The following CA11 variants were observed in gnomAD, a reference collection of about 807,000 sequenced individuals.
CA11 encodes carbonic anhydrase-related protein 11.
CA11 carries 20 observed loss-of-function variants against 39.3 expected under a neutral mutation model. The observed-to-expected ratio is 0.51, with a 90% CI of 0.36 to 0.74. The LOEUF is 0.74. CA11 is among the 30% of genes least tolerant of loss of function. The probability of loss-of-function intolerance (pLI) is 0.00; values close to 1 mark genes in which losing one functional copy is unlikely to be tolerated. For synonymous variants in CA11, 166 were observed against 172.5 expected, an observed-to-expected ratio of 0.96 and a Z score of 0.29; for missense variants, 336 against 424.6, an observed-to-expected ratio of 0.79 and a Z score of 1.83.
At position 48,638,936 on chromosome 19, in the gene CA11, G is replaced by A. The variant is rs1420061583; in HGVS notation, c.913C>T (p.Pro305Ser). 4 of 1,609,780 alleles carry A rather than the reference G, an allele frequency of 2.5e-6. No homozygotes were observed. Among genetic ancestry groups the A allele is most frequent in the East Asian group, 2.2e-5 (1 of 44,854 alleles). The change falls in exon 8 of 9, where the codon CCC becomes TCC. Residue 305 changes from proline to serine, a missense_variant. Pro to Ser is a moderately conservative substitution (Grantham distance 74). Transcript: ENST00000084798. ...CGGCAGCGCCTCTCGGGGTGCCGGG[G>A]GTCCCTGTTGCCCCTCAGTGCCCTG... ...AHRALRGNRDPRHPERRCRGP... is the reference protein window; with the variant it reads ...AHRALRGNRDSRHPERRCRGP...
chr19:48,642,710 G>T (rs945299268), intron 3 of CA11, among the ~76,000 whole-genome samples: 3 of 152,148 alleles, frequency 2.0e-5, no homozygotes, highest in Admixed American at 1.3e-4. Context: ...AGGCAGGCCA[G>T]TGAGGAGGGT....
At chr19:48,640,319 ATCTTT>A in intron 3 of CA11, 39 bp from the exon 4 acceptor site, 8 of 1,428,988 alleles carry the variant, frequency 5.6e-6, no homozygotes, top group Non-Finnish European at 6.7e-6. Context: ...GCAGGGAGAG[ATCTTT>A]TATCTCTCGT....
Position 48,639,813 on chromosome 19 carries a change from A to C in CA11, c.542T>G (p.Leu181Arg). 6.2e-7 allele frequency: 1 copy of C among 1,614,110 alleles called. No individual in the cohort carries two copies. The highest frequency in any genetic ancestry group is 1.3e-5 in the African/African-American group (1 of 75,032). ...GTTGACAAAGAGGCTGAGAATGGCC[A>C]GGCCATTGGGGCCGCGGGAGGCAGC... ...FSAASRGPNG[L>R]AILSLFVNVA... The change falls in exon 5 of 9, where the codon CTG becomes CGG. Residue 181 changes from leucine (L) to arginine (R), a missense_variant. Physicochemically the swap from Leu to Arg is moderately radical, Grantham distance 102. Transcript: ENST00000084798.
At chr19:48,642,109 A>G (rs1182600832) in intron 3 of CA11, among the ~76,000 whole-genome samples, 1 of 152,226 alleles carries the variant, frequency 6.6e-6, no homozygotes, top group African/African-American at 2.4e-5. Flanking sequence ...AGACTTCATC[A>G]AAGTCCAGTG....
chr19:48,641,792 A>T (rs1329358309), intron 3 of CA11, among the ~76,000 whole-genome samples: 1 of 149,602 alleles, frequency 6.7e-6, no homozygotes, highest in South Asian at 2.1e-4. Flanking sequence ...CCACAGTCAC[A>T]TACCACCATG....
chr19:48,639,383 G>T lies in CA11; in HGVS notation c.717C>A (p.Gly239=). The change falls in exon 7 of 9, where the codon GGC becomes GGA. Residue 239 remains glycine (G), a synonymous_variant. Coordinates refer to ENST00000084798, the MANE Select transcript of CA11 (RefSeq NM_001217.5). ...CGGAGCAGGGCGGGGTGCTGAGAGA[G>T]CCCTGATAGGTGATGAAGCCGAAGG... ...PESFGFITYQ[G]SLSTPPCSET... The T allele has an allele frequency of 6.2e-7, 1 of 1,613,794 alleles. No individual in the cohort carries two copies. The highest frequency in any genetic ancestry group is 1.3e-5 in the African/African-American group (1 of 74,944).
At chr19:48,639,491 A>G (rs2030994554) in intron 6 of CA11, 32 bp from the exon 7 acceptor site, 1 of 1,613,716 alleles carries the variant, frequency 6.2e-7, no homozygotes. Flanking sequence ...GTAAAGAGGG[A>G]TGGCACTCTT....
At position 48,645,676 on chromosome 19, in the gene CA11, C is replaced by T; in HGVS notation, c.-44G>A. The T allele has an allele frequency of 7.0e-7, 1 of 1,429,770 alleles. No homozygotes were observed. Among genetic ancestry groups the T allele is most frequent in the Non-Finnish European group, 9.3e-7 (1 of 1,072,708 alleles). 88.6% of individuals were successfully genotyped at this position (1,429,770 alleles called of 1,614,324 possible). A position where few individuals can be genotyped will look rare whatever the true frequency, so the allele number is the denominator to read the frequency against. On this transcript the variant is annotated 5_prime_UTR_variant, in exon 1 of 9. Coordinates refer to ENST00000084798, the MANE Select transcript of CA11 (RefSeq NM_001217.5). The stretch of plus-strand genomic sequence containing the variant: ...GGACCCCTGCCCAACGCCCTGCCCC[C>T]CTCTCTCAGCTCCTCTGTCCCCTCC...
rs987856413 is a variant in CA11, at chr19:48,639,824, G to A, written c.531C>T (p.Gly177=). Reference sequence around the variant, plus strand: ...GGCTGAGAATGGCCAGGCCATTGGGGCCGCGGGAGGCAGCGCTGAAATTCC... The same window carrying A: ...GGCTGAGAATGGCCAGGCCATTGGGACCGCGGGAGGCAGCGCTGAAATTCC... ...LYGNFSAASR[G]PNGLAILSLF... is the part of the protein sequence containing the mutation. Residue 177 remains glycine, a synonymous_variant, in exon 5 of 9, where the codon GGC becomes GGT. Transcript: ENST00000084798. 1.2e-6 allele frequency: 2 copies of A among 1,614,146 alleles called. No individual in the cohort carries two copies. Among genetic ancestry groups the A allele is most frequent in the African/African-American group, 1.3e-5 (1 of 75,040 alleles).
rs980455436 is a variant in CA11 at position 48,643,955 on chromosome 19, C to T, written c.285+472G>A. On this transcript the variant is annotated intron_variant, in intron 3 of 8. Coordinates refer to ENST00000084798, the MANE Select transcript of CA11 (RefSeq NM_001217.5). The surrounding 1 kb of genome is among the most constrained non-coding windows in gnomAD (Gnocchi z 4.3). ...CTAAAAATACAAAAAATTAGCTGGG[C>T]GTGATGGTGCGCATGCCTGTAATCC... is the stretch of plus-strand genomic sequence containing the variant. Among the ~76,000 whole-genome samples, 3 of 151,832 alleles carry T rather than the reference C, an allele frequency of 2.0e-5. No individual in the cohort carries two copies. Among genetic ancestry groups the T allele is most frequent in the Non-Finnish European group, 4.4e-5 (3 of 67,986 alleles).
chr19:48,644,448 C>T lies in CA11; in HGVS notation c.264G>A (p.Arg88=). 1 of 1,607,504 alleles carries T rather than the reference C, an allele frequency of 6.2e-7. No homozygotes were observed. Among genetic ancestry groups the T allele is most frequent in the Non-Finnish European group, 8.5e-7 (1 of 1,175,908 alleles). Residue 88 remains arginine (R), a synonymous_variant, in exon 3 of 9, where the codon AGG becomes AGA. Transcript: ENST00000084798. ...TTACCTTCTCTCCTCCAGTGCTGAG[C>T]CTTAATGGGGGCAGAAAGGGGTCAT... ...VLYDPFLPPL[R]LSTGGEKLRG...
At chr19:48,640,998 T>A (rs1171518982) in intron 3 of CA11, among the ~76,000 whole-genome samples, 6 of 148,822 alleles carry the variant, frequency 4.0e-5, no homozygotes, top group East Asian at 2.0e-4. Flanking sequence ...TTTTTTTTTT[T>A]AAATAGAATC....
intron 2 of CA11, 132 bp from the exon 3 acceptor site, chr19:48,644,701 C>G (rs1362042171): frequency 1.6e-6 from 1 of 644,660 alleles, no homozygotes; most frequent in African/African-American, 1.8e-5. Flanking sequence ...ACCTAGACTC[C>G]TGGGTCTGAG....
rs575560875 is a variant in CA11 at position 48,638,281 on chromosome 19, G to T, written c.962-137C>A. ...GCGGGGAACCAGAATGTACTAGGTCGAGAAGCACTGGGCTGAACCACAAGA... is the reference window on the plus strand; with the variant it reads ...GCGGGGAACCAGAATGTACTAGGTCTAGAAGCACTGGGCTGAACCACAAGA... On this transcript the variant is annotated intron_variant, in intron 8 of 8. Transcript: ENST00000084798. 1.3e-5 allele frequency: 16 copies of T among 1,196,290 alleles called. No homozygotes were observed. The African/African-American group carries it at 2.1e-4, about 16-fold the overall frequency. 74.1% of individuals were successfully genotyped at this position (1,196,290 alleles called of 1,614,324 possible).
chr19:48,640,362 A>C (rs1324999835), intron 3 of CA11, 82 bp from the exon 4 acceptor site: 24 of 871,124 alleles, frequency 2.8e-5, no homozygotes, highest in Non-Finnish European at 3.9e-5. Context: ...TCTGATTCCA[A>C]CAGTCTTTTT....
chr19:48,643,152 CTTCTCTCT>C lies in CA11; in HGVS notation c.285+1267_285+1274del, dbSNP rs944082490. On this transcript the variant is annotated intron_variant, in intron 3 of 8. Transcript: ENST00000084798. The surrounding 1 kb of genome is among the most constrained non-coding windows in gnomAD (Gnocchi z 4.3). ...TTTCCTTCCTTCCCTTCCTTCCTTC[CTTCTCTCT>C]TTCTCTCTTTCTTTCTCGCTCTCTC... Among the ~76,000 whole-genome samples, 1 of 151,826 alleles carries C rather than the reference CTTCTCTCT, an allele frequency of 6.6e-6. No homozygotes were observed. The highest frequency in any genetic ancestry group is 1.5e-5 in the Non-Finnish European group (1 of 67,964).
Position 48,639,372 on chromosome 19 carries a change from G to A in CA11, c.728C>T (p.Thr243Ile), listed in dbSNP as rs1304073069. 3 of 1,613,704 alleles carry A rather than the reference G, an allele frequency of 1.9e-6. No homozygotes were observed. The highest frequency in any genetic ancestry group is 8.5e-7 in the Non-Finnish European group (1 of 1,179,986). ...GGTGACAGTCTCGGAGCAGGGCGGG[G>A]TGCTGAGAGAGCCCTGATAGGTGAT... is the stretch of plus-strand genomic sequence containing the variant. ...GFITYQGSLSTPPCSETVTWI... is the reference protein window; with the variant it reads ...GFITYQGSLSIPPCSETVTWI... Residue 243 changes from threonine to isoleucine, a missense_variant, in exon 7 of 9, where the codon ACC becomes ATC. Transcript: ENST00000084798.
chr19:48,639,154 T>G, intron 7 of CA11, 101 bp from the exon 8 acceptor site: 1 of 1,532,920 alleles, frequency 6.5e-7, no homozygotes, highest in South Asian at 1.2e-5. Context: ...GCGGGGTCTG[T>G]TCTCAGCCCC....
rs968544015 is a variant in CA11 at position 48,639,112 on chromosome 19, A to C, written c.796-59T>G. ...AATAGTGAATGGTCTTGGTGACGTC[A>C]CGCAGGAAACCCCGCCCCTGGGAGC... On this transcript the variant is annotated intron_variant, in intron 7 of 8. Transcript: ENST00000084798. 73 of 1,599,724 alleles carry C rather than the reference A, an allele frequency of 4.6e-5. 1 individual carries two copies. Among genetic ancestry groups the C allele is most frequent in the Middle Eastern group, 3.5e-4 (2 of 5,752 alleles).
Sources: gnomAD v4.1 joint callset for allele counts (sites outside exome capture counted in the v4.1 genomes callset) on GRCh38, gnomAD v4.1.1 for gene constraint, Gnocchi (gnomAD v3.1) non-coding constraint, MANE v1.5 for transcripts, NCBI Gene and HGNC (gene_info 2026-07-23, HGNC 2026-07-21) for gene names.